MDFIC: variants seen among roughly 807,000 people sequenced by gnomAD.
The protein encoded by MDFIC is myoD family inhibitor domain-containing protein.
In MDFIC, 17 loss-of-function variants were observed where a neutral mutation model predicts 23.2. The observed-to-expected ratio is 0.73, with a 90% CI of 0.50 to 1.10. The LOEUF (loss-of-function observed/expected upper bound fraction) is 1.10, where lower values mean the gene tolerates loss of function less well. Ranked by LOEUF, MDFIC falls within the 50% of genes least tolerant of loss-of-function variation. The pLI is 0.00. For missense variants in MDFIC, 356 were observed against 316.6 expected, an observed-to-expected ratio of 1.12 and a Z score of -0.95; for synonymous variants, 120 against 115.2, an observed-to-expected ratio of 1.04 and a Z score of -0.27.
intron 3 of MDFIC, among the ~76,000 whole-genome samples, chr7:114,961,204 A>C (rs1303003350): frequency 6.6e-6 from 1 of 152,184 alleles, no homozygotes; most frequent in Non-Finnish European, 1.5e-5. Context: ...TTCCCCCCAC[A>C]ACACATGAAC....
chr7:114,957,247 A>G (rs1317978720), intron 3 of MDFIC, among the ~76,000 whole-genome samples: 3 of 152,166 alleles, frequency 2.0e-5, no homozygotes, highest in Admixed American at 6.5e-5. Flanking sequence ...AAAGTTTTCA[A>G]GGATGAAAAC....
At chr7:114,923,517 T>C (rs1038544491) in intron 2 of MDFIC, 10 of 1,537,430 alleles carry the variant, frequency 6.5e-6, no homozygotes, top group Non-Finnish European at 8.7e-6. Flanking sequence ...ACTTACTCCA[T>C]TTCATCTTTC....
At chr7:114,969,550 T>A (rs1460984718) in intron 3 of MDFIC, among the ~76,000 whole-genome samples, 1 of 152,190 alleles carries the variant, frequency 6.6e-6, no homozygotes, top group Non-Finnish European at 1.5e-5. Context: ...TAAAATGTAT[T>A]CTATTAAAAA....
At chr7:114,953,864 T>C (rs1423514549) in intron 3 of MDFIC, among the ~76,000 whole-genome samples, 4 of 152,202 alleles carry the variant, frequency 2.6e-5, no homozygotes, top group Non-Finnish European at 5.9e-5. Flanking sequence ...GTTGTTATAC[T>C]ATATTGTCTA....
chr7:114,981,841 G>C (rs1793422458), intron 4 of MDFIC, among the ~76,000 whole-genome samples: 1 of 152,110 alleles, frequency 6.6e-6, no homozygotes, highest in African/African-American at 2.4e-5. Context: ...CTAAAATTTT[G>C]TGTTTCTTCT....
intron 3 of MDFIC, among the ~76,000 whole-genome samples, chr7:114,947,435 C>A (rs1792669119): frequency 6.6e-6 from 1 of 152,068 alleles, no homozygotes; most frequent in South Asian, 2.1e-4. Context: ...AAAATCAAAC[C>A]AATCGTTTGG....
chr7:114,927,885 A>G (rs2115685566), intron 2 of MDFIC, among the ~76,000 whole-genome samples: 1 of 152,368 alleles, frequency 6.6e-6, no homozygotes, highest in African/African-American at 2.4e-5. Context: ...ACATACTATT[A>G]TAAAACTGGC....
chr7:114,988,499 C>T (rs1793550423), intron 4 of MDFIC, among the ~76,000 whole-genome samples: 1 of 152,056 alleles, frequency 6.6e-6, no homozygotes, highest in African/African-American at 2.4e-5. Flanking sequence ...CTGTCAAGTG[C>T]AGGTAATAGA....
At chr7:115,010,818 C>T (rs1176504728) in intron 4 of MDFIC, among the ~76,000 whole-genome samples, 3 of 152,172 alleles carry the variant, frequency 2.0e-5, no homozygotes, top group Non-Finnish European at 4.4e-5. Context: ...GAGACATCAT[C>T]TCCTTCCACA....
At chr7:115,013,645 G>A (rs1791728203) in intron 4 of MDFIC, among the ~76,000 whole-genome samples, 2 of 152,176 alleles carry the variant, frequency 1.3e-5, no homozygotes, top group Admixed American at 6.5e-5. Context: ...CTTGCTGCCA[G>A]TTAAACACTA....
At chr7:115,010,212 A>G (rs1310823177) in intron 4 of MDFIC, among the ~76,000 whole-genome samples, 2 of 152,148 alleles carry the variant, frequency 1.3e-5, no homozygotes, top group Non-Finnish European at 2.9e-5. Flanking sequence ...TAAAACCACC[A>G]TTATTGTGCC....
chr7:114,924,455 A>G (rs1158453007), intron 2 of MDFIC, among the ~76,000 whole-genome samples: 3 of 152,222 alleles, frequency 2.0e-5, no homozygotes, highest in East Asian at 1.9e-4. Flanking sequence ...ACAATATCCA[A>G]CTTTAATAGT....
At chr7:114,968,675 A>G (rs1170040250) in intron 3 of MDFIC, among the ~76,000 whole-genome samples, 1 of 152,168 alleles carries the variant, frequency 6.6e-6, no homozygotes, top group Non-Finnish European at 1.5e-5. Context: ...CTATAATGAG[A>G]ACTGTTATTA....
At chr7:114,929,084 G>GATCTATCTGTCTATCTATCTATCT (rs1792256045) in intron 2 of MDFIC, among the ~76,000 whole-genome samples, 1 of 147,960 alleles carries the variant, frequency 6.8e-6, no homozygotes. Context: ...GATAAATATA[G>GATCTATCTGTCTATCTATCTATCT]ATCTATCTAT....
At chr7:114,944,009 G>A (rs1792599420) in intron 3 of MDFIC, among the ~76,000 whole-genome samples, 1 of 152,050 alleles carries the variant, frequency 6.6e-6, no homozygotes, top group Non-Finnish European at 1.5e-5. Context: ...ATATTATTTG[G>A]TGAAGCTCAT....
intron 3 of MDFIC, among the ~76,000 whole-genome samples, chr7:114,961,960 TCTTA>T (rs1463501451): frequency 6.6e-6 from 1 of 152,218 alleles, no homozygotes; most frequent in Non-Finnish European, 1.5e-5. Context: ...TTCCACCCTC[TCTTA>T]CTTGTTTCTC....
chr7:115,018,553 A>G lies in MDFIC; in HGVS notation c.*2618A>G, dbSNP rs1192462550. 6.6e-6 allele frequency: 1 copy of G among 152,464 alleles called. No homozygotes were observed. Among genetic ancestry groups the G allele is most frequent in the African/African-American group, 2.4e-5 (1 of 41,448 alleles). 9.4% of individuals were successfully genotyped at this position (152,464 alleles called of 1,614,324 possible). A position where few individuals can be genotyped will look rare whatever the true frequency, so the allele number is the denominator to read the frequency against. On this transcript the variant is annotated 3_prime_UTR_variant, in exon 5 of 5. Transcript: ENST00000393486. ...AAACAGAAAAAGGAAAAGTAGGCAA[A>G]TGTGAAAATAGTTTCAATATATCTT...
intron 3 of MDFIC, among the ~76,000 whole-genome samples, chr7:114,951,114 A>G (rs888382135): frequency 1.3e-5 from 2 of 152,194 alleles, no homozygotes; most frequent in African/African-American, 4.8e-5. Context: ...TGAGCCTAGG[A>G]GGTTGGGACT....
At chr7:114,967,767 G>A (rs567649023) in intron 3 of MDFIC, among the ~76,000 whole-genome samples, 42 of 151,770 alleles carry the variant, frequency 2.8e-4, no homozygotes, top group South Asian at 6.2e-4. Context: ...ACAATTAGAG[G>A]AAAAACATCT....
Sources: gnomAD v4.1 joint callset for allele counts (sites outside exome capture counted in the v4.1 genomes callset) on GRCh38, gnomAD v4.1.1 for gene constraint, MANE v1.5 for transcripts, NCBI Gene and HGNC (gene_info 2026-07-23, HGNC 2026-07-21) for gene names.